The following ADAMTS18 variants were observed in gnomAD, a reference collection of about 807,000 sequenced individuals.
ADAMTS18 encodes ADAM metallopeptidase with thrombospondin type 1 motif 18.
In ADAMTS18, 157 loss-of-function variants were observed where a neutral mutation model predicts 165.9. That is an observed-to-expected ratio of 0.95 (90% CI 0.83 to 1.08). The LOEUF (loss-of-function observed/expected upper bound fraction) is 1.08. Among genes scored for constraint, ADAMTS18 ranks in the 50% least tolerant of loss-of-function variants. The pLI, the probability that ADAMTS18 is intolerant of heterozygous loss-of-function variation, is 0.00. For missense variants in ADAMTS18, 2,040 were observed against 1,534.0 expected, an observed-to-expected ratio of 1.33 and a Z score of -5.51; for synonymous variants, 782 against 578.2, an observed-to-expected ratio of 1.35 and a Z score of -5.06.
At chr16:77,347,460 T>C (rs1052759771) in intron 10 of ADAMTS18, among the ~76,000 whole-genome samples, 1 of 152,204 alleles carries the variant, frequency 6.6e-6, no homozygotes, top group African/African-American at 2.4e-5. Context: ...TGGTCTTCGG[T>C]ATCATTTGGT....
At position 77,400,468 on chromosome 16, in the gene ADAMTS18, G is replaced by C. The variant is rs1166279572; in HGVS notation, c.495+30827C>G. ...TGTGTGTGTGTGTCTGTGTGTGTGT[G>C]TGTGTGTGTGTGTTTTGTTTTTTTT... On this transcript the variant is annotated intron_variant, in intron 3 of 22. Transcript: ENST00000282849. Among the ~76,000 whole-genome samples, 4 of 139,958 alleles carry C rather than the reference G, an allele frequency of 2.9e-5. No individual in the cohort carries two copies. The East Asian group carries it at 6.0e-4, about 21-fold the overall frequency. The allele number at this position is 139,958 out of a possible 152,430, so 91.8% of individuals were successfully genotyped here.
intron 10 of ADAMTS18, among the ~76,000 whole-genome samples, chr16:77,347,513 G>A (rs2056495189): frequency 6.6e-6 from 1 of 152,170 alleles, no homozygotes; most frequent in African/African-American, 2.4e-5. Context: ...TCAGTGTGCA[G>A]TGGTGCCCCA....
chr16:77,321,021 C>A, intron 15 of ADAMTS18, 58 bp downstream of exon 15: 1 of 1,611,668 alleles, frequency 6.2e-7, no homozygotes, highest in South Asian at 1.1e-5. Context: ...GTGACTCAAA[C>A]TTGTTTGGTA....
chr16:77,401,056 G>C (rs2057325229), intron 3 of ADAMTS18, among the ~76,000 whole-genome samples: 1 of 151,996 alleles, frequency 6.6e-6, no homozygotes, highest in Non-Finnish European at 1.5e-5. Context: ...AGGAGTTTGA[G>C]ACCAGCCTGG....
At chr16:77,321,435 A>G (rs907809193) in intron 14 of ADAMTS18, among the ~76,000 whole-genome samples, 4 of 152,204 alleles carry the variant, frequency 2.6e-5, no homozygotes, top group African/African-American at 7.2e-5. Context: ...CTCTTCATCA[A>G]TGAAACTGGA....
chr16:77,384,462 G>A (rs1260530736), intron 3 of ADAMTS18, among the ~76,000 whole-genome samples: 1 of 152,166 alleles, frequency 6.6e-6, no homozygotes, highest in Non-Finnish European at 1.5e-5. Context: ...GTACTGGCGT[G>A]ACACTCAAAT....
rs1567474883 is a variant in ADAMTS18 at position 77,314,787 on chromosome 16, A to ATATATATATATATATATATATATATATAT, written c.2532+5061_2532+5062insATATATATATATATATATATATATATATA. Among the ~76,000 whole-genome samples the ATATATATATATATATATATATATATATAT allele has an allele frequency of 5.9e-4, 29 of 49,344 alleles. 1 individual carries two copies. Among genetic ancestry groups the ATATATATATATATATATATATATATATAT allele is most frequent in the East Asian group, 1.3e-3 (2 of 1,586 alleles). 32.4% of individuals were successfully genotyped at this position (49,344 alleles called of 152,430 possible). On this transcript the variant is annotated intron_variant, in intron 16 of 22. Transcript: ENST00000282849. ...ATATATATATATATATATATATATA[A>ATATATATATATATATATATATATATATAT]AATATATGTGATATGCTCAGAAGGC... is the stretch of plus-strand genomic sequence containing the variant.
intron 12 of ADAMTS18, among the ~76,000 whole-genome samples, chr16:77,328,867 A>T (rs1376767269): frequency 1.3e-5 from 2 of 152,212 alleles, no homozygotes; most frequent in African/African-American, 4.8e-5. Flanking sequence ...TCATAGATGA[A>T]GTGAGAACCA....
intron 3 of ADAMTS18, among the ~76,000 whole-genome samples, chr16:77,388,293 T>A (rs2057138018): frequency 6.6e-6 from 1 of 151,946 alleles, no homozygotes; most frequent in African/African-American, 2.4e-5. Context: ...GGAGATGGGG[T>A]TTCACCATGT....
At chr16:77,349,563 CCAGA>C (rs1415816993) in intron 10 of ADAMTS18, among the ~76,000 whole-genome samples, 4 of 145,228 alleles carry the variant, frequency 2.8e-5, no homozygotes, top group South Asian at 2.2e-4. Flanking sequence ...GTTCACTGAG[CCAGA>C]CAAAGTCATG....
At chr16:77,416,010 T>C (rs986379847) in intron 3 of ADAMTS18, among the ~76,000 whole-genome samples, 3 of 152,122 alleles carry the variant, frequency 2.0e-5, no homozygotes, top group African/African-American at 7.2e-5. Flanking sequence ...GAGCTGATAT[T>C]CAAGGTGGAA....
At chr16:77,406,082 G>A (rs996750561) in intron 3 of ADAMTS18, among the ~76,000 whole-genome samples, 1 of 152,082 alleles carries the variant, frequency 6.6e-6, no homozygotes, top group South Asian at 2.1e-4. Flanking sequence ...TAAAATTACA[G>A]ACCAAATTTT....
chr16:77,375,123 T>C (rs1422150434), intron 3 of ADAMTS18, among the ~76,000 whole-genome samples: 1 of 152,046 alleles, frequency 6.6e-6, no homozygotes, highest in Non-Finnish European at 1.5e-5. Flanking sequence ...TGGCCTCCAA[T>C]TCAATGGGGG....
At chr16:77,414,606 G>A (rs557818329) in intron 3 of ADAMTS18, among the ~76,000 whole-genome samples, 1 of 152,204 alleles carries the variant, frequency 6.6e-6, no homozygotes, top group East Asian at 1.9e-4. Flanking sequence ...CTAGCCTGAA[G>A]CAAAGAGATG....
chr16:77,374,087 C>T (rs2144757124), intron 3 of ADAMTS18, among the ~76,000 whole-genome samples: 1 of 151,976 alleles, frequency 6.6e-6, no homozygotes, highest in African/African-American at 2.4e-5. Context: ...GGCGTGGTGG[C>T]AGGCACCTGT....
At chr16:77,338,174 G>T (rs907038392) in intron 11 of ADAMTS18, among the ~76,000 whole-genome samples, 10 of 152,090 alleles carry the variant, frequency 6.6e-5, no homozygotes, top group African/African-American at 2.2e-4. Context: ...AAAGTGCTGG[G>T]ATTATAGGCG....
intron 16 of ADAMTS18, among the ~76,000 whole-genome samples, chr16:77,304,437 G>C (rs1331622161): frequency 6.6e-6 from 1 of 152,158 alleles, no homozygotes; most frequent in African/African-American, 2.4e-5. Context: ...CTCCAGCCTG[G>C]GCCATAGAGT....
intron 3 of ADAMTS18, among the ~76,000 whole-genome samples, chr16:77,425,913 G>C (rs904146352): frequency 1.3e-5 from 2 of 152,144 alleles, no homozygotes; most frequent in African/African-American, 4.8e-5. Context: ...AGGCGTGGTG[G>C]TGGATGCCTG....
intron 15 of ADAMTS18, 54 bp from the exon 16 acceptor site, chr16:77,320,147 G>T: frequency 1.2e-6 from 2 of 1,610,442 alleles, no homozygotes; most frequent in South Asian, 2.2e-5. Context: ...TTGGAGAAAA[G>T]GGACTAGAAA....
Sources: allele counts gnomAD v4.1 joint callset (sites outside exome capture counted in the v4.1 genomes callset), GRCh38; gene constraint gnomAD v4.1.1; transcripts MANE v1.5; gene names NCBI Gene and HGNC (gene_info 2026-07-23, HGNC 2026-07-21).